The following SGCZ variants were observed in gnomAD, a reference collection of about 807,000 sequenced individuals.
The protein encoded by SGCZ is zeta-sarcoglycan.
In SGCZ, 40 loss-of-function variants were observed where a neutral mutation model predicts 41.3. The observed-to-expected ratio is 0.97, with a 90% CI of 0.75 to 1.26. SGCZ has a LOEUF of 1.26. SGCZ is among the 50% of genes most tolerant of loss of function. The probability of loss-of-function intolerance (pLI) is 0.00; values close to 1 mark genes in which losing one functional copy is unlikely to be tolerated. For missense variants in SGCZ, 552 were observed against 369.8 expected (o/e 1.49, Z -4.04); for synonymous variants, 206 against 137.5 (o/e 1.50, Z -3.49).
intron 3 of SGCZ, among the ~76,000 whole-genome samples, chr8:14,242,638 A>T (rs7836055): frequency 1 from 151,573 of 152,306 alleles, 75,427 homozygotes; most frequent in East Asian, 1. Context: ...TTATTCCTCA[A>T]TTTAACTATA....
intron 3 of SGCZ, among the ~76,000 whole-genome samples, chr8:14,259,643 G>A (rs1459813180): frequency 7.4e-6 from 1 of 135,318 alleles, no homozygotes; most frequent in African/African-American, 2.5e-5. Flanking sequence ...TTATTTCTGA[G>A]GGCTCTGTTC....
At chr8:15,191,850 G>A (rs1483405185) in intron 1 of SGCZ, among the ~76,000 whole-genome samples, 1 of 151,920 alleles carries the variant, frequency 6.6e-6, no homozygotes, top group Non-Finnish European at 1.5e-5. Flanking sequence ...AATATTAAAG[G>A]TAAAACAACC....
intron 1 of SGCZ, among the ~76,000 whole-genome samples, chr8:14,963,972 G>A (rs1007891207): frequency 3.9e-5 from 6 of 151,992 alleles, no homozygotes; most frequent in African/African-American, 9.7e-5. Flanking sequence ...ATGATAGCAC[G>A]TGGATCCAAT....
chr8:14,920,009 T>G (rs1450774114), intron 1 of SGCZ, among the ~76,000 whole-genome samples: 2 of 152,186 alleles, frequency 1.3e-5, no homozygotes, highest in Non-Finnish European at 2.9e-5. Context: ...CTCACCATAC[T>G]CCTTTTAGTA....
chr8:15,189,393 C>A (rs1038978293), intron 1 of SGCZ, among the ~76,000 whole-genome samples: 8 of 152,070 alleles, frequency 5.3e-5, no homozygotes, highest in African/African-American at 1.9e-4. Flanking sequence ...TTTTGAAACA[C>A]CTCCTCCAAA....
chr8:14,645,718 A>C (rs1194545333), intron 1 of SGCZ, among the ~76,000 whole-genome samples: 1 of 151,536 alleles, frequency 6.6e-6, no homozygotes, highest in Non-Finnish European at 1.5e-5. Flanking sequence ...ATACATACAC[A>C]CACACATTCT....
intron 1 of SGCZ, among the ~76,000 whole-genome samples, chr8:15,047,842 C>T (rs1804368887): frequency 6.6e-6 from 1 of 151,992 alleles, no homozygotes; most frequent in South Asian, 2.1e-4. Flanking sequence ...ACAACAGATA[C>T]TGGTGAAGAT....
At chr8:14,106,330 C>G (rs1046176995) in intron 6 of SGCZ, among the ~76,000 whole-genome samples, 1 of 152,124 alleles carries the variant, frequency 6.6e-6, no homozygotes, top group South Asian at 2.1e-4. Flanking sequence ...AAATGAAGAC[C>G]GTAGCATCCT....
intron 1 of SGCZ, among the ~76,000 whole-genome samples, chr8:14,912,552 T>C (rs943398284): frequency 7.2e-5 from 11 of 152,044 alleles, no homozygotes; most frequent in African/African-American, 2.2e-4. Context: ...AGATGGAATA[T>C]AGTAGTGATG....
At chr8:14,228,015 G>A (rs1004193520) in intron 4 of SGCZ, among the ~76,000 whole-genome samples, 30 of 145,826 alleles carry the variant, frequency 2.1e-4, no homozygotes, top group African/African-American at 6.5e-4. Context: ...CCTCATTTAG[G>A]AACCCTAATA....
At position 14,178,448 on chromosome 8, in the gene SGCZ, A is replaced by G. The variant is rs1405256463; in HGVS notation, c.425-13746T>C. Among the ~76,000 whole-genome samples the G allele has an allele frequency of 2.1e-4, 32 of 152,328 alleles. 1 individual carries two copies. Among genetic ancestry groups the G allele is most frequent in the Admixed American group, 2.0e-3 (31 of 15,300 alleles). ...CTAGCAAACCATGTAAACAGGTCCA[A>G]ATTTTGTTAGAAATAATTTAGATCC... On this transcript the variant is annotated intron_variant, in intron 4 of 7. Transcript: ENST00000382080.
chr8:14,498,656 T>TG (rs1479375529), intron 2 of SGCZ, among the ~76,000 whole-genome samples: 6 of 152,106 alleles, frequency 3.9e-5, no homozygotes, highest in Non-Finnish European at 8.8e-5. Flanking sequence ...ATTATTTTAG[T>TG]GGTTATACTA....
chr8:14,401,511 C>T (rs1180511521), intron 2 of SGCZ, among the ~76,000 whole-genome samples: 1 of 143,904 alleles, frequency 6.9e-6, no homozygotes, highest in Non-Finnish European at 1.5e-5. Flanking sequence ...TTGTTCAGTT[C>T]CCACCTGTGA....
At chr8:14,320,363 A>AT (rs1394857702) in intron 3 of SGCZ, among the ~76,000 whole-genome samples, 7 of 151,754 alleles carry the variant, frequency 4.6e-5, no homozygotes, top group African/African-American at 1.7e-4. Flanking sequence ...AGGTAAGGAG[A>AT]TTAGCATGTC....
At chr8:14,467,565 G>C (rs1274232929) in intron 2 of SGCZ, among the ~76,000 whole-genome samples, 1 of 152,046 alleles carries the variant, frequency 6.6e-6, no homozygotes, top group Non-Finnish European at 1.5e-5. Flanking sequence ...TGTGCTACGA[G>C]GAGCAATCGA....
intron 1 of SGCZ, among the ~76,000 whole-genome samples, chr8:14,583,463 C>T (rs556738075): frequency 6.6e-5 from 10 of 152,124 alleles, no homozygotes; most frequent in South Asian, 2.1e-4. Context: ...GTTGCCTGTT[C>T]ACTCTGATGG....
intron 4 of SGCZ, among the ~76,000 whole-genome samples, chr8:14,222,994 T>C (rs1295943233): frequency 6.6e-6 from 1 of 151,762 alleles, no homozygotes; most frequent in Non-Finnish European, 1.5e-5. Flanking sequence ...GTATTTTTAG[T>C]AGAGACAGGG....
chr8:14,525,130 TGATAGATAGACACATAGATA>T, intron 2 of SGCZ, among the ~76,000 whole-genome samples: 2 of 147,750 alleles, frequency 1.4e-5, no homozygotes, highest in South Asian at 4.3e-4. Flanking sequence ...ATAGATACAT[TGATAGATAGACACATAGATA>T]GATAGATAGA....
At chr8:14,252,255 C>T (rs139965374) in intron 3 of SGCZ, among the ~76,000 whole-genome samples, 11 of 152,094 alleles carry the variant, frequency 7.2e-5, no homozygotes, top group Admixed American at 7.2e-4. Flanking sequence ...TGTTACTCAG[C>T]TCTTAAGTTA....
Sources: allele counts gnomAD v4.1 joint callset (sites outside exome capture counted in the v4.1 genomes callset), GRCh38; gene constraint gnomAD v4.1.1; transcripts MANE v1.5; gene names NCBI Gene and HGNC (gene_info 2026-07-23, HGNC 2026-07-21).